The following GADL1 variants were observed in gnomAD, a reference collection of about 807,000 sequenced individuals.
GADL1 encodes GAD like acidic amino acid decarboxylase 1, also known as acidic amino acid decarboxylase GADL1.
In GADL1, 71 loss-of-function variants were observed where a neutral mutation model predicts 69.5. The ratio of observed to expected loss-of-function variants is 1.02; its 90% confidence interval spans 0.84 to 1.25. GADL1 has a LOEUF of 1.25. Among genes scored for constraint, GADL1 ranks in the 50% most tolerant of loss-of-function variants. GADL1 has a pLI of 0.00. For synonymous variants in GADL1, 254 were observed against 214.4 expected (o/e 1.18, Z -1.62); for missense variants, 737 against 631.8 (o/e 1.17, Z -1.79).
At chr3:30,832,358 G>T (rs1415869241) in intron 11 of GADL1, among the ~76,000 whole-genome samples, 1 of 150,876 alleles carries the variant, frequency 6.6e-6, no homozygotes, top group Non-Finnish European at 1.5e-5. Context: ...AAAAAACCCT[G>T]TTAAGGAGTT....
At chr3:30,871,444 T>C (rs1002741920) in intron 1 of GADL1, among the ~76,000 whole-genome samples, 1 of 151,756 alleles carries the variant, frequency 6.6e-6, no homozygotes, top group Admixed American at 6.6e-5. Flanking sequence ...ATTACTGAAT[T>C]TGAGCCAGGT....
chr3:30,839,203 A>G (rs985109314), intron 8 of GADL1, 90 bp from the exon 9 acceptor site: 15 of 802,734 alleles, frequency 1.9e-5, no homozygotes, highest in Non-Finnish European at 2.4e-5. Flanking sequence ...TTATGCATCC[A>G]GAGAGTTATT....
intron 11 of GADL1, among the ~76,000 whole-genome samples, chr3:30,832,520 T>C (rs1381245400): frequency 6.6e-6 from 1 of 151,990 alleles, no homozygotes; most frequent in Non-Finnish European, 1.5e-5. Context: ...AGTTCTCCAC[T>C]CCTTAGCATA....
At chr3:30,785,855 AAAAT>A (rs1247005273) in intron 13 of GADL1, among the ~76,000 whole-genome samples, 1 of 152,224 alleles carries the variant, frequency 6.6e-6, no homozygotes, top group African/African-American at 2.4e-5. Flanking sequence ...GTTTTAGAAA[AAAAT>A]ATTCTCTACA....
chr3:30,751,409 C>G (rs953470220), intron 14 of GADL1, among the ~76,000 whole-genome samples: 63 of 151,734 alleles, frequency 4.2e-4, no homozygotes, highest in African/African-American at 1.5e-3. Context: ...TTTCCTTACT[C>G]CGTTCTTCTG....
chr3:30,741,021 A>ATTAATATATATT (rs1448117660), intron 14 of GADL1, among the ~76,000 whole-genome samples: 2 of 87,634 alleles, frequency 2.3e-5, no homozygotes, highest in East Asian at 4.5e-4. Flanking sequence ...TATATTATAT[A>ATTAATATATATT]ATATATTATA....
intron 14 of GADL1, among the ~76,000 whole-genome samples, chr3:30,751,873 C>T (rs1178231764): frequency 6.6e-6 from 1 of 152,236 alleles, no homozygotes; most frequent in Non-Finnish European, 1.5e-5. Context: ...AGGGCTAAAT[C>T]TAGCTTCCCT....
intron 1 of GADL1, among the ~76,000 whole-genome samples, chr3:30,893,447 T>G (rs974545803): frequency 6.6e-6 from 1 of 152,142 alleles, no homozygotes; most frequent in Admixed American, 6.6e-5. Context: ...ATTAACTATA[T>G]TCACCCTACT....
chr3:30,749,602 C>A (rs1260167690), intron 14 of GADL1, among the ~76,000 whole-genome samples: 1 of 152,172 alleles, frequency 6.6e-6, no homozygotes, highest in Admixed American at 6.6e-5. Context: ...TTCAAACATT[C>A]CAACTGTGCT....
chr3:30,768,951 C>A (rs1696351592), intron 14 of GADL1, among the ~76,000 whole-genome samples: 2 of 152,110 alleles, frequency 1.3e-5, no homozygotes, highest in South Asian at 4.2e-4. Flanking sequence ...TCAAAGAGAC[C>A]ATGGAAAAAG....
chr3:30,849,719 AAAG>A (rs1341230060), intron 6 of GADL1, among the ~76,000 whole-genome samples: 2 of 152,204 alleles, frequency 1.3e-5, no homozygotes, highest in Non-Finnish European at 2.9e-5. Context: ...ACATTCAAAA[AAAG>A]AGATTCACAG....
At chr3:30,891,659 AAAAT>A (rs942486032) in intron 1 of GADL1, among the ~76,000 whole-genome samples, 11 of 152,142 alleles carry the variant, frequency 7.2e-5, no homozygotes, top group Non-Finnish European at 1.2e-4. Context: ...AATAAAAAAA[AAAAT>A]AAAAAGCAGA....
At chr3:30,757,017 T>C (rs1695990791) in intron 14 of GADL1, among the ~76,000 whole-genome samples, 1 of 152,076 alleles carries the variant, frequency 6.6e-6, no homozygotes, top group Non-Finnish European at 1.5e-5. Flanking sequence ...TGACAGCTGT[T>C]TCAGCATTAC....
At position 30,873,910 on chromosome 3, in the gene GADL1, GA is replaced by G. The variant is rs202041296; in HGVS notation, c.38-12146del. The stretch of plus-strand genomic sequence containing the variant: ...TCACATGTGGCCACCTTCAGATACA[GA>G]AAACTGTACTTACCAAATTCCTTTA... On this transcript the variant is annotated intron_variant, in intron 1 of 14. Transcript: ENST00000282538. Among the ~76,000 whole-genome samples, 1,478 of 151,978 alleles carry G rather than the reference GA, an allele frequency of 9.7e-3. 19 individuals are homozygous for G. The highest frequency in any genetic ancestry group is 0.033 in the African/African-American group (1,358 of 41,504).
chr3:30,771,604 CAG>C (rs1696421031), intron 14 of GADL1, among the ~76,000 whole-genome samples: 1 of 149,808 alleles, frequency 6.7e-6, no homozygotes, highest in Non-Finnish European at 1.5e-5. Flanking sequence ...TACTAGGAAA[CAG>C]GATTTTTGAA....
At position 30,734,564 on chromosome 3, in the gene GADL1, G is replaced by A. The variant is rs141491343; in HGVS notation, c.1393-6149C>T. Reference sequence around the variant, plus strand: ...TGTTGACAGAAAGCATTTCCTTATCGTCCAAACATATGATAGTGCAAAAAA... The same window carrying A: ...TGTTGACAGAAAGCATTTCCTTATCATCCAAACATATGATAGTGCAAAAAA... On this transcript the variant is annotated intron_variant, in intron 14 of 14. Coordinates refer to ENST00000282538, the MANE Select transcript of GADL1 (RefSeq NM_207359.3). Among the ~76,000 whole-genome samples, 898 of 152,156 alleles carry A rather than the reference G, an allele frequency of 5.9e-3. 12 individuals are homozygous for A. Among genetic ancestry groups the A allele is most frequent in the African/African-American group, 0.02 (817 of 41,520 alleles).
intron 9 of GADL1, among the ~76,000 whole-genome samples, chr3:30,836,160 C>T (rs1418692813): frequency 1.3e-5 from 2 of 152,080 alleles, no homozygotes; most frequent in African/African-American, 4.8e-5. Context: ...GTCCAGTCAG[C>T]CACACCTGTT....
chr3:30,731,704 A>G (rs1375167038), intron 14 of GADL1, among the ~76,000 whole-genome samples: 1 of 152,226 alleles, frequency 6.6e-6, no homozygotes, highest in East Asian at 1.9e-4. Flanking sequence ...AACTAAATAT[A>G]TGACTCAGAG....
intron 14 of GADL1, among the ~76,000 whole-genome samples, chr3:30,765,688 C>T (rs878976700): frequency 6.6e-6 from 1 of 152,172 alleles, no homozygotes; most frequent in African/African-American, 2.4e-5. Context: ...TTTTATTTTG[C>T]ATGAGTTTTT....
Sources: gnomAD v4.1 joint callset for allele counts (sites outside exome capture counted in the v4.1 genomes callset) on GRCh38, gnomAD v4.1.1 for gene constraint, MANE v1.5 for transcripts, NCBI Gene and HGNC (gene_info 2026-07-23, HGNC 2026-07-21) for gene names.